Variants in NCOA1 observed in about 807,000 individuals in gnomAD.
NCOA1 encodes the protein nuclear receptor coactivator 1, also known as Hin-2 protein.
A neutral mutation model predicts 150.9 loss-of-function variants in NCOA1; 35 were observed. The ratio of observed to expected loss-of-function variants is 0.23; its 90% CI spans 0.18 to 0.31. The LOEUF is 0.31. Among genes scored for constraint, NCOA1 ranks in the 10% least tolerant of loss-of-function variants. NCOA1 has a pLI of 1.00. For missense variants in NCOA1, 1,491 were observed against 1,749.3 expected (o/e 0.85, Z 2.63); for synonymous variants, 590 against 630.0 (o/e 0.94, Z 0.95).
chr2:24,678,108 G>A (rs1402464615), intron 7 of NCOA1, among the ~76,000 whole-genome samples: 1 of 152,000 alleles, frequency 6.6e-6, no homozygotes, highest in African/African-American at 2.4e-5. Context: ...TCATTGTTCA[G>A]CTCCCACTTA....
At chr2:24,767,147 G>A (rs1173438662) in intron 22 of NCOA1, among the ~76,000 whole-genome samples, 1 of 152,138 alleles carries the variant, frequency 6.6e-6, no homozygotes, top group Non-Finnish European at 1.5e-5. Flanking sequence ...GGCTAATGAA[G>A]GTTGATGGAA....
intron 21 of NCOA1, among the ~76,000 whole-genome samples, chr2:24,760,306 ATT>A (rs70947842): frequency 1.1e-3 from 108 of 99,720 alleles, no homozygotes; most frequent in African/African-American, 2.7e-3. Context: ...TGCCCGGCTA[ATT>A]TTTTTTTTTT....
At position 24,497,350 on chromosome 2, in the gene NCOA1, A is replaced by G. The variant is rs1663265942; in HGVS notation, c.-396+5748A>G. On this transcript the variant is annotated intron_variant, in intron 1 of 22. Transcript: ENST00000348332. ...GTTCCTTTCTGATGACCCGGGAGCC[A>G]TATATACCAGTTACTTGATGAAAAT... Among the ~76,000 whole-genome samples, 4 of 151,704 alleles carry G rather than the reference A, an allele frequency of 2.6e-5. No individual in the cohort carries two copies. The South Asian group carries it at 8.3e-4, about 31-fold the overall frequency.
chr2:24,675,293 G>A lies in NCOA1; in HGVS notation c.354+1830G>A, dbSNP rs112382996. ...TATGAATTTATTGGAATGCTATTTG[G>A]ATATCATAGAACCATGCTTGGAAAT... On this transcript the variant is annotated intron_variant, in intron 7 of 22. Transcript: ENST00000348332. Among the ~76,000 whole-genome samples, 163 of 152,286 alleles carry A rather than the reference G, an allele frequency of 1.1e-3. 1 individual carries two copies. The highest frequency in any genetic ancestry group is 3.6e-3 in the African/African-American group (151 of 41,536).
intron 1 of NCOA1, among the ~76,000 whole-genome samples, chr2:24,558,084 C>T (rs62142282): frequency 0.15 from 22,457 of 151,002 alleles, 2,018 homozygotes; most frequent in Non-Finnish European, 0.2. Flanking sequence ...TTTTTCTTCT[C>T]CTGGGAGTAA....
chr2:24,650,865 A>T (rs1670681432), intron 4 of NCOA1, among the ~76,000 whole-genome samples: 1 of 152,094 alleles, frequency 6.6e-6, no homozygotes, highest in Admixed American at 6.6e-5. Flanking sequence ...ATTTTTATGG[A>T]TTTTAGAATA....
At chr2:24,540,823 G>A (rs1038606192) in intron 1 of NCOA1, among the ~76,000 whole-genome samples, 10 of 152,132 alleles carry the variant, frequency 6.6e-5, no homozygotes, top group African/African-American at 1.7e-4. Context: ...GCAGCATAAG[G>A]AGACAAACAA....
At chr2:24,654,353 T>G (rs961727235) in intron 4 of NCOA1, among the ~76,000 whole-genome samples, 1 of 152,220 alleles carries the variant, frequency 6.6e-6, no homozygotes, top group Non-Finnish European at 1.5e-5. Flanking sequence ...CATAGAAGGT[T>G]TAATAAATTG....
chr2:24,626,819 A>T (rs1246416110), intron 3 of NCOA1, among the ~76,000 whole-genome samples: 1 of 152,132 alleles, frequency 6.6e-6, no homozygotes, highest in Non-Finnish European at 1.5e-5. Context: ...CTAATATATA[A>T]ACTCTTCTTA....
In NCOA1 at chr2:24,661,777, T is replaced by C. The variant is rs567805225; in HGVS notation, c.89+3011T>C. On this transcript the variant is annotated intron_variant, in intron 5 of 22. Transcript: ENST00000348332. ...AGGGATCTGGTTCTGAGCTTTCTTA[T>C]GATAATTGCCTTGATATGTGATGAA... Among the ~76,000 whole-genome samples the C allele has an allele frequency of 1.6e-3, 239 of 152,324 alleles. 1 individual carries two copies. The Middle Eastern group carries it at 0.034, about 22-fold the overall frequency.
chr2:24,666,253 A>G (rs1355380652), intron 6 of NCOA1, among the ~76,000 whole-genome samples: 1 of 152,006 alleles, frequency 6.6e-6, no homozygotes, highest in Non-Finnish European at 1.5e-5. Context: ...TGACCTCGTG[A>G]TCCGCCCACC....
At chr2:24,497,256 A>C (rs1663258543) in intron 1 of NCOA1, among the ~76,000 whole-genome samples, 6 of 151,338 alleles carry the variant, frequency 4.0e-5, no homozygotes, top group Admixed American at 3.3e-4. Flanking sequence ...GCCACATTAT[A>C]CTTTTTTTTT....
chr2:24,647,388 G>A (rs1000618118), intron 4 of NCOA1, among the ~76,000 whole-genome samples: 6 of 152,042 alleles, frequency 3.9e-5, no homozygotes, highest in African/African-American at 1.2e-4. Flanking sequence ...CAGTTTTCTC[G>A]TCACTAACAT....
At chr2:24,579,722 T>G (rs1030755908) in intron 2 of NCOA1, among the ~76,000 whole-genome samples, 1 of 152,172 alleles carries the variant, frequency 6.6e-6, no homozygotes, top group Admixed American at 6.5e-5. Flanking sequence ...TTCAGCAGTT[T>G]CATGGTGCTA....
intron 1 of NCOA1, among the ~76,000 whole-genome samples, chr2:24,558,238 T>G (rs1002135421): frequency 2.6e-5 from 4 of 152,204 alleles, no homozygotes; most frequent in African/African-American, 7.2e-5. Flanking sequence ...CTGTCCAGGC[T>G]ACTGTTGAGC....
At chr2:24,627,121 GTTTTTTTTT>G (rs33949925) in intron 3 of NCOA1, among the ~76,000 whole-genome samples, 3 of 115,162 alleles carry the variant, frequency 2.6e-5, no homozygotes, top group Admixed American at 9.4e-5. Flanking sequence ...GTTTTTTGCT[GTTTTTTTTT>G]TTTTTTTTTT....
At chr2:24,554,800 T>C (rs189697145) in intron 1 of NCOA1, among the ~76,000 whole-genome samples, 4 of 152,272 alleles carry the variant, frequency 2.6e-5, no homozygotes, top group African/African-American at 9.6e-5. Context: ...GTGTTTTTAA[T>C]TGGCTGACGG....
intron 2 of NCOA1, among the ~76,000 whole-genome samples, chr2:24,565,457 A>G (rs1243346184): frequency 2.0e-5 from 3 of 152,228 alleles, no homozygotes; most frequent in African/African-American, 7.2e-5. Flanking sequence ...GTAAATATGT[A>G]TCACTTATTA....
chr2:24,743,216 A>G (rs539539219), intron 19 of NCOA1, among the ~76,000 whole-genome samples: 1 of 152,360 alleles, frequency 6.6e-6, no homozygotes, highest in East Asian at 1.9e-4. Flanking sequence ...GTAAATTTTA[A>G]GGCTGCTTAA....
Sources: gnomAD v4.1 joint callset for allele counts (sites outside exome capture counted in the v4.1 genomes callset) on GRCh38, gnomAD v4.1.1 for gene constraint, MANE v1.5 for transcripts, NCBI Gene and HGNC (gene_info 2026-07-23, HGNC 2026-07-21) for gene names.